ZNF331: variants seen among roughly 807,000 people sequenced by gnomAD.
The protein encoded by ZNF331 is C2H2-like zinc finger protein rearranged in thyroid adenomas.
Under a neutral mutation model 7.0 loss-of-function variants are expected in ZNF331, and 2 were observed. The observed-to-expected ratio is 0.29, with a 90% confidence interval of 0.12 to 0.90. The LOEUF (loss-of-function observed/expected upper bound fraction) is 0.90, where lower values mean the gene tolerates loss of function less well. ZNF331 is among the 40% of genes least tolerant of loss of function. The pLI, the probability that ZNF331 is intolerant of heterozygous loss-of-function variation, is 0.58. For missense variants in ZNF331, 432 were observed against 587.7 expected (o/e 0.74, Z 2.74); for synonymous variants, 196 against 205.4 (o/e 0.95, Z 0.39).
In ZNF331 at chr19:53,579,463, A is replaced by G; in HGVS notation, c.*1511A>G. ...TTTGTACATAAGGATAATCACATCT[A>G]CCTGAGACTGCTATCATGGAAATTA... is the stretch of plus-strand genomic sequence containing the variant. On this transcript the variant is annotated 3_prime_UTR_variant, in exon 6 of 6. Transcript: ENST00000449416. 1 of 211,914 alleles carries G rather than the reference A, an allele frequency of 4.7e-6. No homozygotes were observed. Among genetic ancestry groups the G allele is most frequent in the Non-Finnish European group, 9.6e-6 (1 of 104,222 alleles). 13.1% of individuals were successfully genotyped at this position (211,914 alleles called of 1,614,324 possible).
At chr19:53,518,403 A>G (rs1337533318), upstream of ZNF331, among the ~76,000 whole-genome samples, 1 of 152,086 alleles carries the variant, frequency 6.6e-6, no homozygotes, top group Admixed American at 6.5e-5. Flanking sequence ...TTTTTTCCTC[A>G]GCTTGCAGAT....
At chr19:53,561,612 A>G (rs930031823) in intron 3 of ZNF331, among the ~76,000 whole-genome samples, 28 of 152,184 alleles carry the variant, frequency 1.8e-4, no homozygotes, top group Non-Finnish European at 8.8e-5. Context: ...TTAAAATTAA[A>G]GATTCTAAGG....
At chr19:53,524,275 A>G (rs1164291500) in intron 2 of ZNF331, among the ~76,000 whole-genome samples, 1 of 152,204 alleles carries the variant, frequency 6.6e-6, no homozygotes. Context: ...TTGGGTATAT[A>G]CCCAGTTATG....
At chr19:53,507,651 G>C in the ZNF331 span, among the ~76,000 whole-genome samples, 1 of 152,132 alleles carries the variant, frequency 6.6e-6, no homozygotes, top group African/African-American at 2.4e-5. Flanking sequence ...GAGGCTGTTC[G>C]GGCTCAGTGC....
chr19:53,569,356 C>G lies in ZNF331; in HGVS notation c.-21C>G, dbSNP rs375321733. ...CAGTGGAAACCCCGAGAAGACTGAT[C>G]AGTTCTTCAGTTCTAAAACAATGGC... On this transcript the variant is annotated 5_prime_UTR_variant, in exon 4 of 6. In the 5' UTR this introduces an upstream ATG that the reference lacks. Coordinates refer to ENST00000449416, the MANE Select transcript of ZNF331 (RefSeq NM_001079906.2). The G allele has an allele frequency of 6.2e-6, 10 of 1,613,694 alleles. No individual in the cohort carries two copies. Among genetic ancestry groups the G allele is most frequent in the Non-Finnish European group, 8.5e-6 (10 of 1,179,736 alleles).
chr19:53,528,396 C>T (rs2087390375), intron 2 of ZNF331, among the ~76,000 whole-genome samples: 1 of 152,140 alleles, frequency 6.6e-6, no homozygotes, highest in Non-Finnish European at 1.5e-5. Flanking sequence ...TATGTAATGT[C>T]AGTGATCTTT....
Position 53,569,461 on chromosome 19 carries a change from C to G in ZNF331, c.9+76C>G, listed in dbSNP as rs2050313818. 17 of 1,527,592 alleles carry G rather than the reference C, an allele frequency of 1.1e-5. No homozygotes were observed. The Admixed American group carries it at 2.2e-4, about 20-fold the overall frequency. The allele number at this position is 1,527,592 out of a possible 1,614,324, so 94.6% of individuals were successfully genotyped here. ...GCATCTGCTTGTGAATTATCTGAAG[C>G]CTTTTATCTAGTCAAGCTCTTTATA... is the stretch of plus-strand genomic sequence containing the variant. On this transcript the variant is annotated intron_variant, in intron 4 of 5. Coordinates refer to ENST00000449416, the MANE Select transcript of ZNF331 (RefSeq NM_001079906.2).
upstream of ZNF331, among the ~76,000 whole-genome samples, chr19:53,519,719 A>T (rs1011894102): frequency 4.6e-5 from 7 of 152,154 alleles, no homozygotes; most frequent in African/African-American, 1.7e-4. Context: ...AGAGAACGAA[A>T]CGCAAAGTCC....
chr19:53,578,183 C>T lies in ZNF331; in HGVS notation c.*231C>T, dbSNP rs2090807050. The T allele has an allele frequency of 4.0e-5, 20 of 505,608 alleles. No homozygotes were observed. In the South Asian group the frequency reaches 4.2e-4, roughly 11 times the overall value. 31.3% of individuals were successfully genotyped at this position (505,608 alleles called of 1,614,324 possible). On this transcript the variant is annotated 3_prime_UTR_variant, in exon 6 of 6. Coordinates refer to ENST00000449416, the MANE Select transcript of ZNF331 (RefSeq NM_001079906.2). ...TGGTCCAGCACATCCACGCTGTATACGCCACCCACCCTGCTAGTGACTTAG... is the reference window on the plus strand; with the variant it reads ...TGGTCCAGCACATCCACGCTGTATATGCCACCCACCCTGCTAGTGACTTAG...
In ZNF331 at chr19:53,553,399, A is replaced by G. The variant is rs547725288; in HGVS notation, c.-137-2446A>G. On this transcript the variant is annotated intron_variant, in intron 2 of 5. Coordinates refer to ENST00000449416, the MANE Select transcript of ZNF331 (RefSeq NM_001079906.2). ...ATTATACTGTATACTATAATCACCAATTGGTGTAACCAGGTGAAAGATACA... is the reference window on the plus strand; with the variant it reads ...ATTATACTGTATACTATAATCACCAGTTGGTGTAACCAGGTGAAAGATACA... Among the ~76,000 whole-genome samples the G allele has an allele frequency of 8.5e-5, 13 of 152,326 alleles. No individual in the cohort carries two copies. The East Asian group carries it at 2.1e-3, about 25-fold the overall frequency.
chr19:53,557,825 G>A (rs2089533319), intron 3 of ZNF331, among the ~76,000 whole-genome samples: 1 of 152,162 alleles, frequency 6.6e-6, no homozygotes, highest in Admixed American at 6.5e-5. Context: ...TTAGCTGGGT[G>A]TGGTGGCGCA....
At chr19:53,556,148 C>T (rs1407390165) in intron 3 of ZNF331, among the ~76,000 whole-genome samples, 2 of 148,324 alleles carry the variant, frequency 1.3e-5, no homozygotes, top group African/African-American at 5.0e-5. Context: ...GAGGCTGAGG[C>T]AGGAGAATGG....
At chr19:53,516,231 G>A (rs1325994441), upstream of ZNF331, among the ~76,000 whole-genome samples, 13 of 151,948 alleles carry the variant, frequency 8.6e-5, no homozygotes, top group Non-Finnish European at 1.6e-4. Context: ...TGGGCGGATC[G>A]CCTGAGGTCA....
intron 3 of ZNF331, among the ~76,000 whole-genome samples, chr19:53,564,258 T>C (rs980615134): frequency 1.3e-5 from 2 of 151,554 alleles, no homozygotes; most frequent in African/African-American, 4.8e-5. Context: ...TCTGTCCAGA[T>C]TATACGTACC....
In ZNF331 at chr19:53,578,486, T is replaced by C. The variant is rs545149460; in HGVS notation, c.*534T>C. The C allele has an allele frequency of 4.4e-6, 1 of 226,944 alleles. No homozygotes were observed. The highest frequency in any genetic ancestry group is 8.8e-6 in the Non-Finnish European group (1 of 114,124). The allele number at this position is 226,944 out of a possible 1,614,324, so 14.1% of individuals were successfully genotyped here. A position where few individuals can be genotyped will look rare whatever the true frequency, so the allele number is the denominator to read the frequency against. ...TACGTTCACATAATTTTATTACATA[T>C]ATTGTTACAATTGTTCTATTTTGTT... is the stretch of plus-strand genomic sequence containing the variant. On this transcript the variant is annotated 3_prime_UTR_variant, in exon 6 of 6. Transcript: ENST00000449416.
chr19:53,511,404 G>T, the ZNF331 span, among the ~76,000 whole-genome samples: 1 of 151,880 alleles, frequency 6.6e-6, no homozygotes, highest in South Asian at 2.1e-4. Flanking sequence ...GTGACAATAT[G>T]TATGTTAGAT....
upstream of ZNF331, among the ~76,000 whole-genome samples, chr19:53,535,897 C>T (rs1476025843): frequency 6.6e-6 from 1 of 151,856 alleles, no homozygotes; most frequent in Non-Finnish European, 1.5e-5. Context: ...CCTCTGCCTC[C>T]CAGGTTCAAG....
At chr19:53,549,783 T>G (rs1250483310) in intron 2 of ZNF331, among the ~76,000 whole-genome samples, 1 of 152,134 alleles carries the variant, frequency 6.6e-6, no homozygotes, top group Non-Finnish European at 1.5e-5. Context: ...TCTTTATTAT[T>G]TCCTTCCTTC....
At chr19:53,553,093 A>G (rs111789393) in intron 2 of ZNF331, among the ~76,000 whole-genome samples, 4,517 of 152,236 alleles carry the variant, frequency 0.03, 101 homozygotes, top group Middle Eastern at 0.062. Flanking sequence ...CCGTCTTTCA[A>G]TTTACATGAA....
Sources: gnomAD v4.1 joint callset for allele counts (sites outside exome capture counted in the v4.1 genomes callset) on GRCh38, gnomAD v4.1.1 for gene constraint, MANE v1.5 for transcripts, NCBI Gene and HGNC (gene_info 2026-07-23, HGNC 2026-07-21) for gene names.